Variants in PLEKHH2 observed in about 807,000 individuals in gnomAD.
PLEKHH2 encodes the protein pleckstrin homology, MyTH4 and FERM domain containing H2.
A neutral mutation model predicts 187.9 loss-of-function variants in PLEKHH2; 129 were observed. The ratio of observed to expected loss-of-function variants is 0.69; its 90% CI spans 0.59 to 0.79. The LOEUF is 0.79. PLEKHH2 is among the 30% of genes least tolerant of loss of function. The probability of loss-of-function intolerance (pLI) is 0.00; values close to 1 mark genes in which losing one functional copy is unlikely to be tolerated. For synonymous variants in PLEKHH2, 686 were observed against 605.6 expected (o/e 1.13, Z -1.95); for missense variants, 2,076 against 1,751.2 (o/e 1.19, Z -3.31).
intron 14 of PLEKHH2, chr2:43,711,590 A>G: frequency 1.0e-6 from 1 of 976,562 alleles, no homozygotes; most frequent in Non-Finnish European, 1.2e-6. Flanking sequence ...TCTGCTCCTC[A>G]TTTCAATAAG....
At chr2:43,714,773 G>C (rs1296570521) in intron 15 of PLEKHH2, among the ~76,000 whole-genome samples, 2 of 152,178 alleles carry the variant, frequency 1.3e-5, no homozygotes, top group Non-Finnish European at 2.9e-5. Context: ...ATAGGCCACT[G>C]TCCCATTCCT....
chr2:43,751,486 A>C (rs1029723672), intron 24 of PLEKHH2, among the ~76,000 whole-genome samples: 4 of 152,242 alleles, frequency 2.6e-5, no homozygotes, highest in Middle Eastern at 3.2e-3. Flanking sequence ...GAGGGCAAGC[A>C]AAAGGATCGC....
At chr2:43,754,203 C>CAAAAAAA (rs1472842755) in intron 25 of PLEKHH2, among the ~76,000 whole-genome samples, 1 of 142,648 alleles carries the variant, frequency 7.0e-6, no homozygotes, top group African/African-American at 2.8e-5. Flanking sequence ...CACACACACA[C>CAAAAAAA]ACAAAATTAA....
At chr2:43,710,395 A>T (rs1220028572) in intron 13 of PLEKHH2, 65 bp downstream of exon 13, 1 of 1,587,240 alleles carries the variant, frequency 6.3e-7, no homozygotes, top group African/African-American at 1.4e-5. Context: ...CGCCTGATTG[A>T]TTTCCTTCCC....
intron 17 of PLEKHH2, among the ~76,000 whole-genome samples, chr2:43,729,418 T>C (rs1670928669): frequency 6.6e-6 from 1 of 152,194 alleles, no homozygotes; most frequent in South Asian, 2.1e-4. Flanking sequence ...AAAATGCATC[T>C]GAATAAGAAA....
chr2:43,742,290 C>A (rs1178787190), intron 21 of PLEKHH2, among the ~76,000 whole-genome samples: 2 of 151,972 alleles, frequency 1.3e-5, no homozygotes, highest in Non-Finnish European at 2.9e-5. Flanking sequence ...GCATGAGCCA[C>A]CATGCCTGGC....
chr2:43,738,514 A>T lies in PLEKHH2; in HGVS notation c.3117A>T (p.Pro1039=). 6.2e-7 allele frequency: 1 copy of T among 1,605,886 alleles called. No individual in the cohort carries two copies. Among genetic ancestry groups the T allele is most frequent in the South Asian group, 1.1e-5 (1 of 90,196 alleles). ...GACAGCCACAGAATCAACCAGGACCATTGCAGGTAGATATTAATATTGATA... is the reference window on the plus strand; with the variant it reads ...GACAGCCACAGAATCAACCAGGACCTTTGCAGGTAGATATTAATATTGATA... The part of the protein sequence containing the change: ...RRRQPQNQPG[P]LQGWQLLALC... The change falls in exon 20 of 30, where the codon CCA becomes CCT. Residue 1039 remains proline, a synonymous_variant. Transcript: ENST00000282406.
chr2:43,639,649 AC>A (rs1574458737), intron 1 of PLEKHH2, among the ~76,000 whole-genome samples: 2 of 122,630 alleles, frequency 1.6e-5, no homozygotes, highest in Non-Finnish European at 1.7e-5. Flanking sequence ...TGGATGTACC[AC>A]TTTTTTTTTT....
intron 2 of PLEKHH2, among the ~76,000 whole-genome samples, chr2:43,674,633 T>A (rs1274443257): frequency 6.6e-6 from 1 of 152,180 alleles, no homozygotes; most frequent in African/African-American, 2.4e-5. Context: ...TATTTACATA[T>A]CCAAATATTT....
intron 7 of PLEKHH2, among the ~76,000 whole-genome samples, chr2:43,697,772 T>C (rs965761814): frequency 2.6e-5 from 4 of 152,156 alleles, no homozygotes; most frequent in Admixed American, 6.5e-5. Context: ...AAACATTACT[T>C]AATATTACAC....
intron 2 of PLEKHH2, among the ~76,000 whole-genome samples, chr2:43,659,521 T>G (rs1558434596): frequency 6.6e-6 from 1 of 152,132 alleles, no homozygotes; most frequent in Non-Finnish European, 1.5e-5. Flanking sequence ...TATTGTTATC[T>G]GTCTTTCTTA....
intron 3 of PLEKHH2, chr2:43,680,963 G>A: frequency 9.5e-7 from 1 of 1,051,430 alleles, no homozygotes; most frequent in South Asian, 1.7e-5. Flanking sequence ...TACATACACT[G>A]GATTTCTAGT....
In PLEKHH2 at chr2:43,710,584, CT is replaced by C. The variant is rs376851824; in HGVS notation, c.2301+33del. On this transcript the variant is annotated intron_variant, in intron 14 of 29. Transcript: ENST00000282406. The stretch of plus-strand genomic sequence containing the variant: ...ACAAACAAACAGTTCAGGTACTTAA[CT>C]TTTTTTTTTTTTTTTTTTTTTTTGT... The C allele has an allele frequency of 0.084, 98,880 of 1,182,658 alleles. No individual in the cohort carries two copies. The highest frequency in any genetic ancestry group is 0.13 in the East Asian group (4,114 of 31,810). 73.3% of individuals were successfully genotyped at this position (1,182,658 alleles called of 1,614,324 possible). A position where few individuals can be genotyped will look rare whatever the true frequency, so the allele number is the denominator to read the frequency against.
intron 21 of PLEKHH2, 148 bp from the exon 22 acceptor site, chr2:43,742,593 C>A (rs971264975): frequency 7.8e-6 from 4 of 510,630 alleles, no homozygotes; most frequent in African/African-American, 6.0e-5. Context: ...AAAGTTACAG[C>A]AGTTTAGTAT....
chr2:43,765,687 C>T lies in PLEKHH2; in HGVS notation c.*89C>T. On this transcript the variant is annotated 3_prime_UTR_variant, in exon 30 of 30. Transcript: ENST00000282406. ...AGTTCGTTTACACCTGGCAGCACGG[C>T]AGCCACACACCGGTATTCCAAACCT... 3 of 1,260,450 alleles carry T rather than the reference C, an allele frequency of 2.4e-6. No individual in the cohort carries two copies. 78.1% of individuals were successfully genotyped at this position (1,260,450 alleles called of 1,614,324 possible).
chr2:43,709,414 A>T (rs1245318432), intron 11 of PLEKHH2, among the ~76,000 whole-genome samples: 1 of 152,236 alleles, frequency 6.6e-6, no homozygotes, highest in Non-Finnish European at 1.5e-5. Context: ...GTAAATACAC[A>T]TATTTTTAAT....
intron 15 of PLEKHH2, among the ~76,000 whole-genome samples, chr2:43,712,865 T>A (rs1009263152): frequency 6.6e-6 from 1 of 152,070 alleles, no homozygotes; most frequent in African/African-American, 2.4e-5. Context: ...AAGCACAGAT[T>A]GAAATAAGAG....
rs1667225482 is a variant in PLEKHH2, at chr2:43,666,529, AACTGTTTC to A, written c.124-12333_124-12326del. Among the ~76,000 whole-genome samples, 8 of 152,314 alleles carry A rather than the reference AACTGTTTC, an allele frequency of 5.3e-5. No homozygotes were observed. The South Asian group carries it at 1.7e-3, about 32-fold the overall frequency. On this transcript the variant is annotated intron_variant, in intron 2 of 29. Transcript: ENST00000282406. The stretch of plus-strand genomic sequence containing the variant: ...ATATGTTTAACTTAAGAAACTGCCG[AACTGTTTC>A]TAAGGAGACTGTACCATTTTGCATT...
chr2:43,758,908 G>A lies in PLEKHH2; in HGVS notation c.3950G>A (p.Cys1317Tyr). 6.3e-7 allele frequency: 1 copy of A among 1,576,780 alleles called. No individual in the cohort carries two copies. Among genetic ancestry groups the A allele is most frequent in the Non-Finnish European group, 8.6e-7 (1 of 1,160,116 alleles). Residue 1317 changes from cysteine (C) to tyrosine (Y), a missense_variant, in exon 27 of 30, where the codon TGC becomes TAC. Physicochemically the swap from Cys to Tyr is radical, Grantham distance 194. Coordinates refer to ENST00000282406, the MANE Select transcript of PLEKHH2 (RefSeq NM_172069.4). ...CTTTTCTTTTTTTTTAGGCAGCTTTGCCAGCGACTTTCAACCAGATGGATG... is the reference window on the plus strand; with the variant it reads ...CTTTTCTTTTTTTTTAGGCAGCTTTACCAGCGACTTTCAACCAGATGGATG... ...GCSEEQLRQL[C>Y]QRLSTRWMAL...
Sources: gnomAD v4.1 joint callset for allele counts (sites outside exome capture counted in the v4.1 genomes callset) on GRCh38, gnomAD v4.1.1 for gene constraint, MANE v1.5 for transcripts, NCBI Gene and HGNC (gene_info 2026-07-23, HGNC 2026-07-21) for gene names.